Variants in GSK3B observed in about 807,000 individuals in gnomAD.
GSK3B encodes the protein glycogen synthase kinase 3 beta.
GSK3B carries 15 observed loss-of-function variants against 56.4 expected under a neutral mutation model. The ratio of observed to expected loss-of-function variants is 0.27; its 90% CI spans 0.18 to 0.41. The LOEUF (loss-of-function observed/expected upper bound fraction) is 0.41. Among genes scored for constraint, GSK3B ranks in the 10% least tolerant of loss-of-function variants. The pLI is 1.00. For missense variants in GSK3B, 300 were observed against 513.4 expected, an observed-to-expected ratio of 0.58 and a Z score of 4.02; for synonymous variants, 181 against 188.9, an observed-to-expected ratio of 0.96 and a Z score of 0.34.
intron 9 of GSK3B, among the ~76,000 whole-genome samples, chr3:119,852,583 T>C (rs1022988256): frequency 2.0e-5 from 3 of 152,086 alleles, no homozygotes; most frequent in African/African-American, 7.2e-5. Context: ...CTTTACCTCA[T>C]GTGATCTGCT....
At chr3:120,035,991 G>C (rs1483124428) in intron 1 of GSK3B, among the ~76,000 whole-genome samples, 1 of 152,042 alleles carries the variant, frequency 6.6e-6, no homozygotes, top group Non-Finnish European at 1.5e-5. Flanking sequence ...GCTCTGGCTA[G>C]AAACTCTAGT....
chr3:119,836,769 C>A (rs1006063100), intron 10 of GSK3B, among the ~76,000 whole-genome samples: 1 of 152,128 alleles, frequency 6.6e-6, no homozygotes, highest in African/African-American at 2.4e-5. Flanking sequence ...CACTAAGAGA[C>A]CACCAGAAGA....
intron 2 of GSK3B, among the ~76,000 whole-genome samples, chr3:119,986,276 C>T (rs2057514524): frequency 6.6e-6 from 1 of 152,098 alleles, no homozygotes; most frequent in Non-Finnish European, 1.5e-5. Flanking sequence ...TAGTTATGGG[C>T]AAGGACTTCA....
chr3:119,981,434 T>G (rs952076237), intron 2 of GSK3B, among the ~76,000 whole-genome samples: 1 of 152,268 alleles, frequency 6.6e-6, no homozygotes, highest in Non-Finnish European at 1.5e-5. Flanking sequence ...GGGGTTTCCC[T>G]TTCCTAGCCA....
rs189895495 is a variant in GSK3B, at chr3:120,068,824, A to T, written c.88+24523T>A. On this transcript the variant is annotated intron_variant, in intron 1 of 10. Transcript: ENST00000264235. Reference sequence around the variant, plus strand: ...TGATGGATATACAGTGGTTTATTAAACTAGTCTATCTAGTATTATATAATT... The same window carrying T: ...TGATGGATATACAGTGGTTTATTAATCTAGTCTATCTAGTATTATATAATT... Among the ~76,000 whole-genome samples the T allele has an allele frequency of 3.5e-4, 54 of 152,118 alleles. 1 individual carries two copies. The East Asian group carries it at 8.7e-3, about 24-fold the overall frequency.
At chr3:119,934,362 C>A (rs773293525) in intron 3 of GSK3B, among the ~76,000 whole-genome samples, 28 of 152,030 alleles carry the variant, frequency 1.8e-4, no homozygotes, top group Non-Finnish European at 3.4e-4. Context: ...AACGTGTAAC[C>A]CCAGTTTTAT....
intron 3 of GSK3B, among the ~76,000 whole-genome samples, chr3:119,935,244 T>C (rs372427318): frequency 2.6e-5 from 4 of 152,232 alleles, no homozygotes; most frequent in Non-Finnish European, 4.4e-5. Context: ...TTAAGGAAGA[T>C]AGACCAAGCG....
At chr3:120,015,479 T>C (rs567455624) in intron 1 of GSK3B, among the ~76,000 whole-genome samples, 28 of 151,392 alleles carry the variant, frequency 1.8e-4, no homozygotes, top group Non-Finnish European at 3.4e-4. Flanking sequence ...TGAAACCCCA[T>C]CTCTACCAAA....
intron 1 of GSK3B, among the ~76,000 whole-genome samples, chr3:120,010,670 T>G (rs2057770674): frequency 6.6e-6 from 1 of 152,150 alleles, no homozygotes; most frequent in African/African-American, 2.4e-5. Flanking sequence ...TTAAGAACAG[T>G]AGCTGAGTGT....
At chr3:120,002,624 C>T (rs1313943375) in intron 1 of GSK3B, among the ~76,000 whole-genome samples, 1 of 152,206 alleles carries the variant, frequency 6.6e-6, no homozygotes, top group Non-Finnish European at 1.5e-5. Context: ...AGGCATCAGC[C>T]ACCACGCCTG....
In GSK3B at chr3:119,826,363, C is replaced by T; in HGVS notation, c.*425G>A. ...TTCAAGCTGTGCACTATACCAAAGT[C>T]TCACACTAGACTTTAAAAGAAAACA... On this transcript the variant is annotated 3_prime_UTR_variant, in exon 11 of 11. Coordinates refer to ENST00000264235, the MANE Select transcript of GSK3B (RefSeq NM_001146156.2). 1 of 403,342 alleles carries T rather than the reference C, an allele frequency of 2.5e-6. No individual in the cohort carries two copies. Among genetic ancestry groups the T allele is most frequent in the African/African-American group, 2.0e-5 (1 of 49,706 alleles). The allele number at this position is 403,342 out of a possible 1,614,324, so 25.0% of individuals were successfully genotyped here. A position where few individuals can be genotyped will look rare whatever the true frequency, so the allele number is the denominator to read the frequency against.
chr3:120,083,823 A>C (rs1372694975), intron 1 of GSK3B, among the ~76,000 whole-genome samples: 2 of 152,268 alleles, frequency 1.3e-5, no homozygotes, highest in South Asian at 4.1e-4. Context: ...AGCAATAAAA[A>C]GGAATGAAGT....
intron 1 of GSK3B, among the ~76,000 whole-genome samples, chr3:120,065,970 C>T (rs1024993086): frequency 4.6e-5 from 7 of 152,070 alleles, no homozygotes; most frequent in Non-Finnish European, 1.0e-4. Context: ...GGAGTGACTC[C>T]TTAATGAATA....
chr3:119,900,483 A>G (rs7617372), intron 7 of GSK3B, among the ~76,000 whole-genome samples: 44,000 of 152,038 alleles, frequency 0.29, 8,260 homozygotes, highest in African/African-American at 0.54. Context: ...CTGGACTGAA[A>G]TTCATCTTAC....
At chr3:120,085,150 G>A (rs1252176284) in intron 1 of GSK3B, among the ~76,000 whole-genome samples, 1 of 152,102 alleles carries the variant, frequency 6.6e-6, no homozygotes, top group East Asian at 1.9e-4. Flanking sequence ...AAAATTTAAA[G>A]CAAAATAGGT....
Position 119,822,496 on chromosome 3 carries a change from C to T in GSK3B, c.*4292G>A, listed in dbSNP as rs2055427861. 4.4e-6 allele frequency: 1 copy of T among 225,798 alleles called. No individual in the cohort carries two copies. The allele number at this position is 225,798 out of a possible 1,614,324, so 14.0% of individuals were successfully genotyped here. A position where few individuals can be genotyped will look rare whatever the true frequency, so the allele number is the denominator to read the frequency against. On this transcript the variant is annotated 3_prime_UTR_variant, in exon 11 of 11. Transcript: ENST00000264235. ...CTTTGTCAAGCTAACCCCTTATGTACTGGTTGTCATTTTGCTTTTATTGCA... is the reference window on the plus strand; with the variant it reads ...CTTTGTCAAGCTAACCCCTTATGTATTGGTTGTCATTTTGCTTTTATTGCA...
intron 2 of GSK3B, among the ~76,000 whole-genome samples, chr3:119,958,990 T>C (rs911118231): frequency 2.0e-5 from 3 of 152,228 alleles, no homozygotes; most frequent in Non-Finnish European, 4.4e-5. Context: ...CTCTGGTTAC[T>C]GTGCAGAATA....
At chr3:119,952,668 C>T (rs1238658543) in intron 2 of GSK3B, among the ~76,000 whole-genome samples, 1 of 145,890 alleles carries the variant, frequency 6.9e-6, no homozygotes, top group Non-Finnish European at 1.5e-5. Flanking sequence ...AAAAACAATA[C>T]AATTAATAGC....
intron 2 of GSK3B, among the ~76,000 whole-genome samples, chr3:120,000,909 T>G (rs946570313): frequency 1.4e-5 from 2 of 146,612 alleles, no homozygotes; most frequent in African/African-American, 5.0e-5. Flanking sequence ...CATGTTGAAA[T>G]GTAATCTCCT....
Sources: allele counts gnomAD v4.1 joint callset (sites outside exome capture counted in the v4.1 genomes callset), GRCh38; gene constraint gnomAD v4.1.1; transcripts MANE v1.5; gene names NCBI Gene and HGNC (gene_info 2026-07-23, HGNC 2026-07-21).